Variants in GSE1 observed in about 807,000 individuals in gnomAD.
GSE1 encodes genetic suppressor element 1.
In GSE1, 32 loss-of-function variants were observed where a neutral mutation model predicts 112.6. The ratio of observed to expected loss-of-function variants is 0.28; its 90% CI spans 0.21 to 0.38. The LOEUF is 0.38. GSE1 is among the 10% of genes least tolerant of loss of function. The pLI is 1.00. For synonymous variants in GSE1, 1,115 were observed against 735.6 expected, an observed-to-expected ratio of 1.52 and a Z score of -8.35; for missense variants, 2,348 against 1,699.2, an observed-to-expected ratio of 1.38 and a Z score of -6.71.
intron 2 of GSE1, among the ~76,000 whole-genome samples, chr16:85,538,505 C>T (rs2044409389): frequency 2.0e-5 from 3 of 152,208 alleles, no homozygotes; most frequent in African/African-American, 4.8e-5. Flanking sequence ...GTCTTGTCGC[C>T]GGCCCCATGC....
At chr16:85,402,915 C>CA (rs35895543) in intron 2 of GSE1, among the ~76,000 whole-genome samples, 246 of 142,306 alleles carry the variant, frequency 1.7e-3, no homozygotes, top group Non-Finnish European at 2.1e-3. Context: ...GACCCTGACT[C>CA]AAAAAAAAAA....
intron 1 of GSE1, among the ~76,000 whole-genome samples, chr16:85,206,683 G>T (rs572074064): frequency 2.4e-5 from 1 of 41,686 alleles, no homozygotes; most frequent in Admixed American, 3.3e-4. Flanking sequence ...TCCCCTCCCC[G>T]GCTGGGCCCC....
Position 85,672,540 on chromosome 16 carries a change from C to T in GSE1, c.*1C>T, listed in dbSNP as rs760552715. The T allele has an allele frequency of 1.4e-5, 22 of 1,599,644 alleles. No individual in the cohort carries two copies. Among genetic ancestry groups the T allele is most frequent in the Middle Eastern group, 1.7e-4 (1 of 6,026 alleles). ...CTACCTGAAGGGATATCCCAGGTGA[C>T]GGTTTCCCTTGCACTAGGCCGAACC... On this transcript the variant is annotated 3_prime_UTR_variant, in exon 16 of 16. Transcript: ENST00000253458.
At chr16:85,527,123 T>G (rs1440478357) in intron 2 of GSE1, among the ~76,000 whole-genome samples, 1 of 152,174 alleles carries the variant, frequency 6.6e-6, no homozygotes, top group East Asian at 1.9e-4. Flanking sequence ...TCCTCTGTCT[T>G]CCTGAGCAGC....
intron 2 of GSE1, among the ~76,000 whole-genome samples, chr16:85,380,487 G>A (rs145457269): frequency 1.4e-5 from 2 of 140,416 alleles, no homozygotes; most frequent in Non-Finnish European, 3.1e-5. Context: ...GATAGAAGCA[G>A]GGTGAGGCAA....
intron 1 of GSE1, among the ~76,000 whole-genome samples, chr16:85,179,364 G>A (rs961779574): frequency 3.0e-4 from 46 of 152,292 alleles, no homozygotes; most frequent in Non-Finnish European, 4.6e-4. Flanking sequence ...TAAGAACGCC[G>A]TTGTATGGAT....
At chr16:85,568,141 C>G (rs776306556) in intron 1 of GSE1, among the ~76,000 whole-genome samples, 5 of 152,228 alleles carry the variant, frequency 3.3e-5, no homozygotes, top group Non-Finnish European at 7.3e-5. Flanking sequence ...TCCACCCACC[C>G]ACATCCTCTG....
chr16:85,331,363 G>A (rs1973249), intron 1 of GSE1, among the ~76,000 whole-genome samples: 2,911 of 44,806 alleles, frequency 0.065, 376 homozygotes, highest in South Asian at 0.18. Context: ...GTGTGTGTGT[G>A]TGTATATATG....
At chr16:85,269,151 C>A (rs185640387) in intron 1 of GSE1, among the ~76,000 whole-genome samples, 3 of 149,426 alleles carry the variant, frequency 2.0e-5, no homozygotes, top group Admixed American at 2.0e-4. Context: ...CTGTTTTTTT[C>A]TTTTATTACC....
chr16:85,258,058 C>G (rs1907269328), intron 1 of GSE1, among the ~76,000 whole-genome samples: 1 of 152,328 alleles, frequency 6.6e-6, no homozygotes, highest in South Asian at 2.1e-4. Flanking sequence ...TTTCCCCATC[C>G]CCAGTGCCCC....
intron 1 of GSE1, among the ~76,000 whole-genome samples, chr16:85,175,386 C>T (rs2074440809): frequency 6.6e-6 from 1 of 152,216 alleles, no homozygotes; most frequent in Non-Finnish European, 1.5e-5. Flanking sequence ...CTCTGTGAAA[C>T]CCTGGAAGGA....
At chr16:85,510,041 G>A (rs1413901408) in intron 2 of GSE1, among the ~76,000 whole-genome samples, 1 of 152,212 alleles carries the variant, frequency 6.6e-6, no homozygotes, top group Non-Finnish European at 1.5e-5. Context: ...GGCTTTATTA[G>A]GCCAAGCCGC....
At chr16:85,469,869 G>C (rs917407154) in intron 2 of GSE1, among the ~76,000 whole-genome samples, 1 of 152,254 alleles carries the variant, frequency 6.6e-6, no homozygotes, top group Admixed American at 6.5e-5. Flanking sequence ...ACGAGTGGGA[G>C]GCAAGGTGGG....
At chr16:85,367,305 C>T (rs1236588623) in intron 2 of GSE1, among the ~76,000 whole-genome samples, 1 of 152,180 alleles carries the variant, frequency 6.6e-6, no homozygotes, top group Non-Finnish European at 1.5e-5. Flanking sequence ...TCTGCCGGCA[C>T]GTCTGTCTCT....
chr16:85,415,140 A>T (rs1043845375), intron 2 of GSE1, among the ~76,000 whole-genome samples: 1 of 152,124 alleles, frequency 6.6e-6, no homozygotes, highest in African/African-American at 2.4e-5. Context: ...GGGTCTCCCT[A>T]TGTTGCCCAG....
At chr16:85,269,751 G>C (rs1908641877) in intron 1 of GSE1, among the ~76,000 whole-genome samples, 1 of 149,192 alleles carries the variant, frequency 6.7e-6, no homozygotes, top group African/African-American at 2.4e-5. Context: ...CTTGCACCTG[G>C]CACTCTGCAG....
rs1053851817 is a variant in GSE1, at chr16:85,377,223, G to A, written c.2464+19580G>A. Among the ~76,000 whole-genome samples the A allele has an allele frequency of 5.3e-4, 80 of 152,318 alleles. 1 individual carries two copies. Among genetic ancestry groups the A allele is most frequent in the African/African-American group, 1.8e-3 (76 of 41,560 alleles). On this transcript the variant is annotated intron_variant, in intron 2 of 2. Coordinates refer to the GSE1 transcript ENST00000637419. ...TCAGGGGACAGAAGAACATCTCTCT[G>A]TGCTTCTCTCTGGGTGTGTCACGCA...
chr16:85,560,163 GT>G lies in GSE1; in HGVS notation c.37+3801del. On this transcript the variant is annotated intron_variant, in intron 1 of 2. Transcript: ENST00000635906. ...TTTTTTTTTTTTTATGTGAGACGGA[GT>G]CTCTCTCTCTTGCCAGGCTCGAGTG... Among the ~76,000 whole-genome samples the G allele has an allele frequency of 2.5e-5, 3 of 121,082 alleles. No individual in the cohort carries two copies. The Admixed American group carries it at 3.2e-4, about 13-fold the overall frequency. The allele number at this position is 121,082 out of a possible 152,430, so 79.4% of individuals were successfully genotyped here. A position where few individuals can be genotyped will look rare whatever the true frequency, so the allele number is the denominator to read the frequency against.
In GSE1 at chr16:85,373,852, C is replaced by T. The variant is rs903181089; in HGVS notation, c.2464+16209C>T. ...CGGTGCCCCACGGTTACCACCGCCACGGCAGGGCCAGTCTCTTTGTCTCTT... is the reference window on the plus strand; with the variant it reads ...CGGTGCCCCACGGTTACCACCGCCATGGCAGGGCCAGTCTCTTTGTCTCTT... On this transcript the variant is annotated intron_variant, in intron 2 of 2. Transcript: ENST00000637419. The surrounding 1 kb of genome is among the most constrained non-coding windows in gnomAD (Gnocchi z 5.1). 5.9e-5 allele frequency among the ~76,000 whole-genome samples: 9 copies of T among 152,234 alleles called. No individual in the cohort carries two copies. The highest frequency in any genetic ancestry group is 3.4e-3 in the Middle Eastern group (1 of 294).
Sources: allele counts gnomAD v4.1 joint callset (sites outside exome capture counted in the v4.1 genomes callset), GRCh38; gene constraint gnomAD v4.1.1; non-coding constraint Gnocchi (gnomAD v3.1); transcripts MANE v1.5; gene names NCBI Gene and HGNC (gene_info 2026-07-23, HGNC 2026-07-21).